ATE1: variants seen among roughly 807,000 people sequenced by gnomAD.
ATE1 encodes arginyltransferase 1.
Under a neutral mutation model 70.5 loss-of-function variants are expected in ATE1, and 36 were observed. The observed-to-expected ratio is 0.51, with a 90% CI of 0.39 to 0.67. The LOEUF (loss-of-function observed/expected upper bound fraction) is 0.67. Among genes scored for constraint, ATE1 ranks in the 30% least tolerant of loss-of-function variants. The probability of loss-of-function intolerance (pLI) is 0.00; values close to 1 mark genes in which losing one functional copy is unlikely to be tolerated. For missense variants in ATE1, 593 were observed against 629.5 expected, an observed-to-expected ratio of 0.94 and a Z score of 0.62; for synonymous variants, 232 against 219.3, an observed-to-expected ratio of 1.06 and a Z score of -0.51.
At chr10:121,926,358 T>C (rs1239046696) in intron 1 of ATE1, among the ~76,000 whole-genome samples, 1 of 152,096 alleles carries the variant, frequency 6.6e-6, no homozygotes, top group Admixed American at 6.5e-5. Flanking sequence ...AGGCACTCAC[T>C]CACACTAAGG....
chr10:121,845,797 G>C (rs1478192591), intron 8 of ATE1, among the ~76,000 whole-genome samples: 1 of 152,206 alleles, frequency 6.6e-6, no homozygotes, highest in African/African-American at 2.4e-5. Context: ...TAATGGATTA[G>C]AGTTGGAAAC....
Position 121,859,703 on chromosome 10 carries a change from A to T in ATE1, c.975+10303T>A, listed in dbSNP as rs1464709828. Reference sequence around the variant, plus strand: ...ATGCCTGTAATCCCAACACTATGGGAGGCCAAGGTGGGTGGATCACTTGAG... The same window carrying T: ...ATGCCTGTAATCCCAACACTATGGGTGGCCAAGGTGGGTGGATCACTTGAG... On this transcript the variant is annotated intron_variant, in intron 8 of 11. Coordinates refer to ENST00000224652, the MANE Select transcript of ATE1 (RefSeq NM_001001976.3). Among the ~76,000 whole-genome samples, 3 of 152,104 alleles carry T rather than the reference A, an allele frequency of 2.0e-5. No individual in the cohort carries two copies. In the East Asian group the frequency reaches 5.8e-4, roughly 30 times the overall value.
At position 121,786,202 on chromosome 10, in the gene ATE1, GTTTTTTTTTTTTTTTTTTTTT is replaced by G. The variant is rs66781912; in HGVS notation, c.1378+3946_1378+3966del. Among the ~76,000 whole-genome samples the G allele has an allele frequency of 5.5e-3, 464 of 84,546 alleles. 11 individuals are homozygous for G. The highest frequency in any genetic ancestry group is 0.02 in the African/African-American group (430 of 20,990). 55.5% of individuals were successfully genotyped at this position (84,546 alleles called of 152,430 possible). On this transcript the variant is annotated intron_variant, in intron 11 of 11. Coordinates refer to ENST00000224652, the MANE Select transcript of ATE1 (RefSeq NM_001001976.3). ...TGGGAAACAGCACATGCTCAAGAAA[GTTTTTTTTTTTTTTTTTTTTT>G]TTTTTTTTTGTAAATCTGGAACCAA...
intron 7 of ATE1, among the ~76,000 whole-genome samples, chr10:121,871,129 G>A (rs1949840838): frequency 6.6e-6 from 1 of 152,156 alleles, no homozygotes; most frequent in Non-Finnish European, 1.5e-5. Flanking sequence ...CATTGGAGAA[G>A]TGGGGAGAAA....
intron 8 of ATE1, among the ~76,000 whole-genome samples, chr10:121,862,682 T>C (rs1341404004): frequency 1.3e-5 from 2 of 151,762 alleles, no homozygotes; most frequent in African/African-American, 4.8e-5. Flanking sequence ...CCTCTTTTCT[T>C]CCTAACAGCC....
At chr10:121,928,299 T>C (rs1284298642), upstream of ATE1, 2 of 1,502,756 alleles carry the variant, frequency 1.3e-6, no homozygotes, top group Non-Finnish European at 8.9e-7. Flanking sequence ...GCCGAGGGCC[T>C]GTGCGGGGCG....
chr10:121,769,122 A>G (rs1249030189), intron 11 of ATE1, among the ~76,000 whole-genome samples: 1 of 152,228 alleles, frequency 6.6e-6, no homozygotes, highest in Non-Finnish European at 1.5e-5. Flanking sequence ...TGGGAGAATA[A>G]CTTTTCCCTA....
chr10:121,837,717 T>C (rs1948480266), intron 9 of ATE1, among the ~76,000 whole-genome samples: 1 of 152,180 alleles, frequency 6.6e-6, no homozygotes, highest in Non-Finnish European at 1.5e-5. Flanking sequence ...AGAATTCATT[T>C]TTAAATTAAA....
intron 8 of ATE1, among the ~76,000 whole-genome samples, chr10:121,867,575 G>C (rs1949706345): frequency 6.6e-6 from 1 of 152,068 alleles, no homozygotes; most frequent in Non-Finnish European, 1.5e-5. Context: ...GTCAAACACT[G>C]ATTATAAGAA....
intron 8 of ATE1, among the ~76,000 whole-genome samples, chr10:121,864,661 G>A (rs1419076671): frequency 6.6e-6 from 1 of 152,078 alleles, no homozygotes; most frequent in Non-Finnish European, 1.5e-5. Context: ...TGTCCCACAT[G>A]TTTTTTGTTC....
chr10:121,770,734 TAAA>T (rs57921362), intron 11 of ATE1, among the ~76,000 whole-genome samples: 25 of 140,806 alleles, frequency 1.8e-4, no homozygotes, highest in African/African-American at 2.3e-4. Context: ...TTTCCTTAAC[TAAA>T]AAAAAAAAAA....
intron 11 of ATE1, among the ~76,000 whole-genome samples, chr10:121,766,882 G>T (rs7912947): frequency 0.82 from 125,215 of 152,120 alleles, 51,873 homozygotes; most frequent in Non-Finnish European, 0.88. Flanking sequence ...TGGAAAATTC[G>T]AACAAACATT....
rs368906259 is a variant in ATE1, at chr10:121,791,373, C to A, written c.1258-1084G>T. On this transcript the variant is annotated intron_variant, in intron 10 of 11. Coordinates refer to ENST00000224652, the MANE Select transcript of ATE1 (RefSeq NM_001001976.3). ...CCTCCCAAAGTGCTGGGATTACAGG[C>A]ATGAGCCACCGTGCCTGGCCAATTT... 2.0e-4 allele frequency among the ~76,000 whole-genome samples: 31 copies of A among 152,132 alleles called. No homozygotes were observed. In the East Asian group the frequency reaches 4.8e-3, roughly 24 times the overall value.
At chr10:121,811,948 ATTC>A (rs1487476031) in intron 10 of ATE1, among the ~76,000 whole-genome samples, 20 of 140,876 alleles carry the variant, frequency 1.4e-4, no homozygotes, top group Non-Finnish European at 3.0e-4. Context: ...CTTATTCCAA[ATTC>A]TTTTTTTTTT....
At position 121,898,695 on chromosome 10, in the gene ATE1, C is replaced by T. The variant is rs532709829; in HGVS notation, c.942+1171G>A. 31 of 906,752 alleles carry T rather than the reference C, an allele frequency of 3.4e-5. No individual in the cohort carries two copies. The South Asian group carries it at 7.4e-4, about 22-fold the overall frequency. 56.2% of individuals were successfully genotyped at this position (906,752 alleles called of 1,614,324 possible). On this transcript the variant is annotated intron_variant, in intron 7 of 11. Coordinates refer to ENST00000224652, the MANE Select transcript of ATE1 (RefSeq NM_001001976.3). ...TCCTTTTTTCTAAGGATTTAAAATG[C>T]TCACATGTATGAGTCATGTGAGTGT... is the stretch of plus-strand genomic sequence containing the variant.
At chr10:121,817,400 G>A (rs568480556) in intron 10 of ATE1, among the ~76,000 whole-genome samples, 9 of 152,230 alleles carry the variant, frequency 5.9e-5, no homozygotes, top group Non-Finnish European at 1.2e-4. Context: ...TTAGCCGGGC[G>A]CAGTGGCGGG....
rs141598403 is a variant in ATE1, at chr10:121,860,404, G to C, written c.975+9602C>G. Among the ~76,000 whole-genome samples, 863 of 152,286 alleles carry C rather than the reference G, an allele frequency of 5.7e-3. 9 individuals are homozygous for C. The highest frequency in any genetic ancestry group is 0.02 in the African/African-American group (827 of 41,568). On this transcript the variant is annotated intron_variant, in intron 8 of 11. Transcript: ENST00000224652. The stretch of plus-strand genomic sequence containing the variant: ...TCAACGTGCTCTAGTCAACACAAGA[G>C]GTAAGAGATTTTAGCCACTTACTAC...
intron 2 of ATE1, among the ~76,000 whole-genome samples, chr10:121,923,025 C>A (rs968921581): frequency 6.6e-6 from 1 of 152,196 alleles, no homozygotes; most frequent in South Asian, 2.1e-4. Context: ...CAGTCCTCAT[C>A]ATCGCACATC....
In ATE1 at chr10:121,790,029, TAC is replaced by T. The variant is rs3036895; in HGVS notation, c.1378+138_1378+139del. 322 of 888,556 alleles carry T rather than the reference TAC, an allele frequency of 3.6e-4. No homozygotes were observed. In the East Asian group the frequency reaches 6.1e-3, roughly 17 times the overall value. 55.0% of individuals were successfully genotyped at this position (888,556 alleles called of 1,614,324 possible). On this transcript the variant is annotated intron_variant, in intron 11 of 11. Transcript: ENST00000224652. ...GCATGTGCAAAGTCTTCCTCTATCT[TAC>T]ACACACACACACACTCATGCACAGC...
Sources: gnomAD v4.1 joint callset for allele counts (sites outside exome capture counted in the v4.1 genomes callset) on GRCh38, gnomAD v4.1.1 for gene constraint, MANE v1.5 for transcripts, NCBI Gene and HGNC (gene_info 2026-07-23, HGNC 2026-07-21) for gene names.